COL4A5: variants seen among roughly 807,000 people sequenced by gnomAD.
The protein encoded by COL4A5 is collagen alpha-5(IV) chain.
In COL4A5, 26 loss-of-function variants were observed where a neutral mutation model predicts 130.2. The ratio of observed to expected loss-of-function variants is 0.20; its 90% CI spans 0.15 to 0.28. The LOEUF (loss-of-function observed/expected upper bound fraction) is 0.28, where lower values mean the gene tolerates loss of function less well. Among genes scored for constraint, COL4A5 ranks in the 10% least tolerant of loss-of-function variants. COL4A5 has a pLI of 1.00. For missense variants in COL4A5, 1,131 were observed against 1,344.3 expected, an observed-to-expected ratio of 0.84 and a Z score of 2.48; for synonymous variants, 496 against 439.6, an observed-to-expected ratio of 1.13 and a Z score of -1.60.
chrX:108,531,408 T>A (rs1401066343), intron 1 of COL4A5, among the ~76,000 whole-genome samples: 2 of 104,204 alleles, frequency 1.9e-5, no homozygotes, highest in Admixed American at 1.0e-4. Context: ...TAAATAAAAA[T>A]TTATTGAAAT....
intron 2 of COL4A5, among the ~76,000 whole-genome samples, chrX:108,547,090 T>C (rs955838101): frequency 8.9e-6 from 1 of 112,211 alleles, no homozygotes; most frequent in East Asian, 2.8e-4. Context: ...TGATCATCTG[T>C]AGCCTTCTTC....
chrX:108,645,508 TC>T (rs1264144834), intron 36 of COL4A5, among the ~76,000 whole-genome samples: 1 of 108,407 alleles, frequency 9.2e-6, no homozygotes, highest in Non-Finnish European at 1.9e-5. Flanking sequence ...AACCCTCCCA[TC>T]TTTTTTTTTT....
intron 50 of COL4A5, among the ~76,000 whole-genome samples, chrX:108,693,207 A>T (rs1311630306): frequency 1.8e-5 from 2 of 111,559 alleles, no homozygotes; most frequent in African/African-American, 6.5e-5. Context: ...GCTAAGTTCT[A>T]TAATAGATAT....
intron 25 of COL4A5, among the ~76,000 whole-genome samples, chrX:108,599,232 A>G (rs2066582385): frequency 9.0e-6 from 1 of 111,443 alleles, no homozygotes; most frequent in Admixed American, 9.5e-5. Flanking sequence ...CCTAATCACA[A>G]TCCCCTTCCT....
intron 1 of COL4A5, among the ~76,000 whole-genome samples, chrX:108,528,944 C>T (rs1470738203): frequency 1.8e-5 from 2 of 111,682 alleles, no homozygotes; most frequent in African/African-American, 3.3e-5. Context: ...TTTACATAAT[C>T]AGATACAGGA....
chrX:108,570,443 A>G (rs771215739), intron 6 of COL4A5, among the ~76,000 whole-genome samples: 4 of 112,392 alleles, frequency 3.6e-5, no homozygotes. Context: ...ATATGATTAA[A>G]GGGAGCATTG....
At chrX:108,452,920 G>A (rs878880410) in intron 1 of COL4A5, among the ~76,000 whole-genome samples, 2 of 110,755 alleles carry the variant, frequency 1.8e-5, no homozygotes, top group Non-Finnish European at 3.8e-5. Context: ...CAAAGGGAAT[G>A]CTTCCAGTTT....
At chrX:108,639,455 C>T (rs2147900353) in intron 36 of COL4A5, among the ~76,000 whole-genome samples, 1 of 111,184 alleles carries the variant, frequency 9.0e-6, no homozygotes, top group East Asian at 2.8e-4. Context: ...CAACATGCCT[C>T]ATGACATTAG....
At chrX:108,598,974 C>T (rs2066576540) in intron 25 of COL4A5, 104 bp downstream of exon 25, 6 of 829,350 alleles carry the variant, frequency 7.2e-6, no homozygotes, top group East Asian at 6.5e-5. Context: ...TTTCCCTGGC[C>T]GTTTATATTT....
rs1208022191 is a variant in COL4A5 at position 108,440,447 on chromosome X, CG to C, written c.81+246del. 3 of 390,148 alleles carry C rather than the reference CG, an allele frequency of 7.7e-6. No individual in the cohort carries two copies. The Admixed American group carries it at 1.3e-4, about 17-fold the overall frequency. 32.2% of individuals were successfully genotyped at this position (390,148 alleles called of 1,213,427 possible). ...CTTGCTTCCCTGCAGCTAGCTCCTC[CG>C]GGGGCAAGAGCAAAGTCAGAAGTGG... is the stretch of plus-strand genomic sequence containing the variant. On this transcript the variant is annotated intron_variant, in intron 1 of 52. Transcript: ENST00000328300.
chrX:108,518,726 G>C (rs1372795836), intron 1 of COL4A5, among the ~76,000 whole-genome samples: 2 of 111,507 alleles, frequency 1.8e-5, no homozygotes, highest in Admixed American at 9.5e-5. Flanking sequence ...ATTACATGTT[G>C]TAGTCATCAT....
At chrX:108,666,927 C>T (rs2068093487) in intron 39 of COL4A5, among the ~76,000 whole-genome samples, 1 of 112,200 alleles carries the variant, frequency 8.9e-6, no homozygotes, top group Admixed American at 9.5e-5. Flanking sequence ...ATATATTTAA[C>T]ATTCATCGGA....
chrX:108,626,065 A>G, intron 35 of COL4A5, 145 bp from the exon 36 acceptor site: 1 of 546,610 alleles, frequency 1.8e-6, no homozygotes, highest in South Asian at 3.1e-5. Context: ...AGGCTTTTAT[A>G]TAATTGTGTT....
chrX:108,650,493 C>A (rs752318731), intron 36 of COL4A5, among the ~76,000 whole-genome samples: 2 of 111,878 alleles, frequency 1.8e-5, no homozygotes, highest in Non-Finnish European at 3.8e-5. Flanking sequence ...TATAGCAACA[C>A]AATTTGCAGT....
chrX:108,675,950 C>A (rs1307707157), intron 43 of COL4A5, among the ~76,000 whole-genome samples: 1 of 111,198 alleles, frequency 9.0e-6, no homozygotes, highest in Non-Finnish European at 1.9e-5. Flanking sequence ...AAATTGAAGC[C>A]AAGGAGATTA....
intron 1 of COL4A5, among the ~76,000 whole-genome samples, chrX:108,453,235 A>C (rs2064546228): frequency 8.9e-6 from 1 of 111,790 alleles, no homozygotes; most frequent in African/African-American, 3.2e-5. Flanking sequence ...CAGATTCTAC[A>C]TTACAACTAA....
In COL4A5 at chrX:108,616,223, T is replaced by G. The variant is rs761062289; in HGVS notation, c.2509+1199T>G. ...TTTAGGTTTGACCTGCTGTTTTTTTTTTGTTGTTGTTGTTGTTTTTGTTTT... is the reference window on the plus strand; with the variant it reads ...TTTAGGTTTGACCTGCTGTTTTTTTGTTGTTGTTGTTGTTGTTTTTGTTTT... On this transcript the variant is annotated intron_variant, in intron 30 of 52. Coordinates refer to ENST00000328300, the MANE Select transcript of COL4A5 (RefSeq NM_033380.3). 5.7e-3 allele frequency among the ~76,000 whole-genome samples: 632 copies of G among 110,205 alleles called. 5 individuals are homozygous for G. Among genetic ancestry groups the G allele is most frequent in the African/African-American group, 0.018 (557 of 30,307 alleles).
chrX:108,447,468 C>T (rs990492740), intron 1 of COL4A5, among the ~76,000 whole-genome samples: 3 of 111,818 alleles, frequency 2.7e-5, no homozygotes, highest in African/African-American at 3.2e-5. Flanking sequence ...CTATAGCTTG[C>T]GCAATTGAAA....
intron 22 of COL4A5, among the ~76,000 whole-genome samples, chrX:108,595,987 T>C (rs2066509320): frequency 9.0e-6 from 1 of 111,633 alleles, no homozygotes; most frequent in Non-Finnish European, 1.9e-5. Flanking sequence ...TCACATGTTG[T>C]TGTTCAGGAA....
Sources: allele counts gnomAD v4.1 joint callset (sites outside exome capture counted in the v4.1 genomes callset), GRCh38; gene constraint gnomAD v4.1.1; transcripts MANE v1.5; gene names NCBI Gene and HGNC (gene_info 2026-07-23, HGNC 2026-07-21).